The following DOCK7 variants were observed in gnomAD, a reference collection of about 807,000 sequenced individuals.
DOCK7 encodes the protein dedicator of cytokinesis 7.
A neutral mutation model predicts 271.0 loss-of-function variants in DOCK7; 138 were observed. The ratio of observed to expected loss-of-function variants is 0.51; its 90% CI spans 0.44 to 0.59. The LOEUF is 0.59. Among genes scored for constraint, DOCK7 ranks in the 20% least tolerant of loss-of-function variants. The probability of loss-of-function intolerance (pLI) is 0.00; values close to 1 mark genes in which losing one functional copy is unlikely to be tolerated. For synonymous variants in DOCK7, 823 were observed against 876.1 expected (o/e 0.94, Z 1.07); for missense variants, 2,066 against 2,592.4 (o/e 0.80, Z 4.41).
chr1:62,457,670 A>G lies in DOCK7; in HGVS notation c.6248T>C (p.Ile2083Thr), dbSNP rs2149219643. 2.5e-6 allele frequency: 4 copies of G among 1,613,800 alleles called. No homozygotes were observed. The highest frequency in any genetic ancestry group is 3.4e-6 in the Non-Finnish European group (4 of 1,179,946). The stretch of plus-strand genomic sequence containing the variant: ...TTGATACTCCTTTTGATCCGGCCCA[A>G]TTAAGCTCTTATTTTTTCTTAAGGC... ...EDALRKNKSL[I>T]GPDQKEYQRE... Residue 2083 changes from isoleucine (I) to threonine (T), a missense_variant, in exon 49 of 50, where the codon ATT (isoleucine) becomes ACT (threonine). Ile to Thr is a moderately conservative substitution (Grantham distance 89). This residue lies in a region of DOCK7 where 652 missense variants were observed against 922.1 expected (regional missense o/e 0.71). Coordinates refer to ENST00000635253, the MANE Select transcript of DOCK7 (RefSeq NM_001367561.1).
rs1326393939 is a variant in DOCK7 at position 62,455,307 on chromosome 1, A to G, written c.*107T>C. The stretch of plus-strand genomic sequence containing the variant: ...TTCTTGGCCACTGCATTCTTCAATG[A>G]ATAATAATTTCCAGAATTCCATTCC... On this transcript the variant is annotated 3_prime_UTR_variant, in exon 50 of 50. Transcript: ENST00000635253. The G allele has an allele frequency of 3.3e-6, 4 of 1,221,418 alleles. No individual in the cohort carries two copies. In the African/African-American group the frequency reaches 6.0e-5, roughly 18 times the overall value. 75.7% of individuals were successfully genotyped at this position (1,221,418 alleles called of 1,614,324 possible).
chr1:62,536,122 T>TA (rs558368028), intron 28 of DOCK7, among the ~76,000 whole-genome samples: 269 of 152,270 alleles, frequency 1.8e-3, no homozygotes, highest in African/African-American at 6.2e-3. Flanking sequence ...GTTTTTTTTT[T>TA]AACATCTTAA....
intron 14 of DOCK7, chr1:62,604,989 ACC>A: frequency 1.6e-6 from 1 of 641,104 alleles, no homozygotes; most frequent in South Asian, 2.2e-5. Flanking sequence ...CTTAAAGAAT[ACC>A]GTTTACATTT....
chr1:62,676,327 T>C (rs1473957681), intron 1 of DOCK7, among the ~76,000 whole-genome samples: 1 of 152,050 alleles, frequency 6.6e-6, no homozygotes, highest in Non-Finnish European at 1.5e-5. Context: ...AAAAGGCAAA[T>C]TGAGAGATTG....
intron 1 of DOCK7, among the ~76,000 whole-genome samples, chr1:62,679,516 AAATTC>A (rs1416809791): frequency 6.6e-6 from 1 of 152,226 alleles, no homozygotes; most frequent in Non-Finnish European, 1.5e-5. Flanking sequence ...ACATAAGAAG[AAATTC>A]AAATCATCAA....
chr1:62,590,876 C>T (rs1000701302), intron 14 of DOCK7, among the ~76,000 whole-genome samples: 1 of 152,150 alleles, frequency 6.6e-6, no homozygotes, highest in Non-Finnish European at 1.5e-5. Context: ...GAAAAGGGAA[C>T]ACTTATACAC....
intron 13 of DOCK7, 88 bp downstream of exon 13, chr1:62,619,812 T>C: frequency 1.6e-6 from 1 of 621,658 alleles, no homozygotes; most frequent in Non-Finnish European, 2.6e-6. Flanking sequence ...GCCAGATAAA[T>C]AAAAAAAAAA....
chr1:62,544,871 A>G (rs967316340), intron 23 of DOCK7, 76 bp downstream of exon 23: 6 of 1,149,110 alleles, frequency 5.2e-6, no homozygotes, highest in Non-Finnish European at 7.3e-6. Flanking sequence ...CACTGAAATC[A>G]TAGTATATAC....
chr1:62,586,088 C>T (rs1557758962), intron 15 of DOCK7, among the ~76,000 whole-genome samples: 1 of 152,092 alleles, frequency 6.6e-6, no homozygotes, highest in Non-Finnish European at 1.5e-5. Flanking sequence ...GCCTCATATA[C>T]CACACATCAC....
At chr1:62,639,890 A>G (rs1655776576) in intron 7 of DOCK7, among the ~76,000 whole-genome samples, 1 of 151,920 alleles carries the variant, frequency 6.6e-6, no homozygotes, top group Non-Finnish European at 1.5e-5. Context: ...ATGTATATGT[A>G]GAGTTTTTTC....
intron 18 of DOCK7, among the ~76,000 whole-genome samples, 155 bp downstream of exon 18, chr1:62,577,107 G>A (rs992303360): frequency 6.6e-6 from 1 of 152,086 alleles, no homozygotes; most frequent in African/African-American, 2.4e-5. Flanking sequence ...TAAGTTTTAT[G>A]TAAAAGAATT....
chr1:62,634,627 C>A, intron 9 of DOCK7, 146 bp downstream of exon 9: 1 of 757,842 alleles, frequency 1.3e-6, no homozygotes, highest in African/African-American at 1.8e-5. Context: ...GTAGCACCTA[C>A]TGTGTATGTC....
At chr1:62,608,123 A>G (rs1329314510) in intron 14 of DOCK7, 1 of 152,186 alleles carries the variant, frequency 6.6e-6, no homozygotes, top group Non-Finnish European at 1.5e-5. Context: ...CCCCCCAAGT[A>G]TTTAAAAAGT....
chr1:62,498,968 A>G (rs1388624176), intron 37 of DOCK7, among the ~76,000 whole-genome samples: 6 of 151,850 alleles, frequency 4.0e-5, no homozygotes, highest in Non-Finnish European at 8.8e-5. Context: ...TGCTTGGCTA[A>G]TTTTTATATT....
chr1:62,535,411 C>CT (rs1645311205), intron 29 of DOCK7, 82 bp downstream of exon 29: 3 of 1,215,546 alleles, frequency 2.5e-6, no homozygotes, highest in Non-Finnish European at 3.5e-6. Flanking sequence ...TCTCCTAATC[C>CT]TCAGGAAATG....
intron 14 of DOCK7, chr1:62,604,238 A>G (rs746167245): frequency 1.2e-6 from 2 of 1,612,992 alleles, no homozygotes; most frequent in Non-Finnish European, 8.5e-7. Flanking sequence ...TTATTCAGGT[A>G]TCTTTTTCTG....
intron 49 of DOCK7, among the ~76,000 whole-genome samples, chr1:62,456,114 A>T (rs936796022): frequency 6.6e-6 from 1 of 152,132 alleles, no homozygotes; most frequent in African/African-American, 2.4e-5. Context: ...AACCTGTAGA[A>T]ATCTCCACTG....
chr1:62,561,392 C>T (rs989827104), intron 19 of DOCK7, among the ~76,000 whole-genome samples: 1 of 152,098 alleles, frequency 6.6e-6, no homozygotes, highest in Non-Finnish European at 1.5e-5. Flanking sequence ...AAGTCAATGA[C>T]ATTTTGAAAC....
chr1:62,661,614 G>A (rs1658672711), intron 2 of DOCK7, among the ~76,000 whole-genome samples: 1 of 151,972 alleles, frequency 6.6e-6, no homozygotes, highest in African/African-American at 2.4e-5. Flanking sequence ...AATACTCAGT[G>A]AAAATAATGA....
Sources: gnomAD v4.1 joint callset for allele counts (sites outside exome capture counted in the v4.1 genomes callset) on GRCh38, gnomAD v4.1.1 for gene constraint, gnomAD v4.1.1 regional missense constraint, MANE v1.5 for transcripts, NCBI Gene and HGNC (gene_info 2026-07-23, HGNC 2026-07-21) for gene names.